The following LNX2 variants were observed in gnomAD, a reference collection of about 807,000 sequenced individuals.
LNX2 encodes ligand of Numb protein X 2.
In LNX2, 35 loss-of-function variants were observed where a neutral mutation model predicts 66.2. The observed-to-expected ratio is 0.53, with a 90% CI of 0.40 to 0.70. The LOEUF (loss-of-function observed/expected upper bound fraction) is 0.70, where lower values mean the gene tolerates loss of function less well. Among genes scored for constraint, LNX2 ranks in the 30% least tolerant of loss-of-function variants. The probability of loss-of-function intolerance (pLI) is 0.00; values close to 1 mark genes in which losing one functional copy is unlikely to be tolerated. For synonymous variants in LNX2, 337 were observed against 315.6 expected (o/e 1.07, Z -0.72); for missense variants, 791 against 850.8 (o/e 0.93, Z 0.87).
At chr13:27,595,276 A>C (rs1207484415) in intron 1 of LNX2, among the ~76,000 whole-genome samples, 1 of 152,122 alleles carries the variant, frequency 6.6e-6, no homozygotes, top group African/African-American at 2.4e-5. Context: ...AGCTCTCACT[A>C]TGTCCCTTCC....
At chr13:27,588,175 C>T (rs930219797) in intron 1 of LNX2, among the ~76,000 whole-genome samples, 1 of 151,976 alleles carries the variant, frequency 6.6e-6, no homozygotes, top group African/African-American at 2.4e-5. Context: ...AGCATTTATC[C>T]CAGAGAGGTG....
intron 4 of LNX2, among the ~76,000 whole-genome samples, chr13:27,565,730 A>T (rs1955197918): frequency 6.6e-6 from 1 of 152,196 alleles, no homozygotes; most frequent in African/African-American, 2.4e-5. Context: ...TTGAAAGCTC[A>T]GTCTGTCTCA....
chr13:27,549,933 C>T (rs1055302297), intron 9 of LNX2, among the ~76,000 whole-genome samples: 1 of 152,274 alleles, frequency 6.6e-6, no homozygotes, highest in East Asian at 1.9e-4. Flanking sequence ...ACTTACTCAG[C>T]GCTCAATGTC....
intron 1 of LNX2, among the ~76,000 whole-genome samples, chr13:27,585,215 G>T (rs1208549484): frequency 6.6e-6 from 1 of 151,774 alleles, no homozygotes; most frequent in Non-Finnish European, 1.5e-5. Context: ...CACGAGGTCA[G>T]GAGATCGAGA....
intron 1 of LNX2, among the ~76,000 whole-genome samples, chr13:27,619,293 C>A (rs1955864411): frequency 6.6e-6 from 1 of 151,586 alleles, no homozygotes; most frequent in African/African-American, 2.4e-5. Context: ...CAGATTCCCG[C>A]TTCCTTCTTT....
intron 1 of LNX2, among the ~76,000 whole-genome samples, chr13:27,597,060 C>A (rs1955605974): frequency 6.6e-6 from 1 of 152,188 alleles, no homozygotes; most frequent in Non-Finnish European, 1.5e-5. Context: ...CATTAGATTA[C>A]TACTACAGGG....
intron 2 of LNX2, among the ~76,000 whole-genome samples, chr13:27,574,783 C>T (rs192834593): frequency 7.8e-4 from 119 of 152,126 alleles, no homozygotes; most frequent in African/African-American, 2.8e-3. Flanking sequence ...CTGGTGAAAG[C>T]CAAAGATAAG....
rs1954954220 is a variant in LNX2, at chr13:27,547,493, G to A, written c.*842C>T. On this transcript the variant is annotated 3_prime_UTR_variant, in exon 10 of 10. Transcript: ENST00000316334. ...TCTTCATCTTCTATGAATATTGAGA[G>A]ATTACAGTAGAAATAAACCAGAAAA... 6.6e-6 allele frequency: 1 copy of A among 152,028 alleles called. No homozygotes were observed. Among genetic ancestry groups the A allele is most frequent in the African/African-American group, 2.4e-5 (1 of 41,416 alleles). The allele number at this position is 152,028 out of a possible 1,614,324, so 9.4% of individuals were successfully genotyped here.
intron 1 of LNX2, among the ~76,000 whole-genome samples, chr13:27,600,868 G>A (rs1955650608): frequency 6.6e-6 from 1 of 152,158 alleles, no homozygotes; most frequent in African/African-American, 2.4e-5. Flanking sequence ...GCTTTAATGG[G>A]CCAGACCTGG....
intron 1 of LNX2, among the ~76,000 whole-genome samples, chr13:27,607,671 A>G (rs756394226): frequency 2.0e-5 from 3 of 152,196 alleles, no homozygotes; most frequent in Non-Finnish European, 4.4e-5. Flanking sequence ...TAGCTTCCTG[A>G]AAGTCCAAAT....
chr13:27,597,952 A>T lies in LNX2; in HGVS notation c.-100-16149T>A, dbSNP rs113888206. Among the ~76,000 whole-genome samples the T allele has an allele frequency of 5.7e-3, 871 of 152,288 alleles. 5 individuals carry two copies. Among genetic ancestry groups the T allele is most frequent in the African/African-American group, 0.02 (830 of 41,552 alleles). ...ATATAAGAATTTCCTGGTATCTCCA[A>T]AAAGCCAAAATTTGATAATCCATTT... On this transcript the variant is annotated intron_variant, in intron 1 of 9. Coordinates refer to ENST00000316334, the MANE Select transcript of LNX2 (RefSeq NM_153371.4).
At chr13:27,568,862 A>C (rs994007219) in intron 3 of LNX2, among the ~76,000 whole-genome samples, 167 bp downstream of exon 3, 10 of 152,360 alleles carry the variant, frequency 6.6e-5, no homozygotes, top group Middle Eastern at 3.4e-3. Flanking sequence ...TTGTACAATG[A>C]AAAGGGTGAA....
chr13:27,603,602 C>T (rs747213821), intron 1 of LNX2, among the ~76,000 whole-genome samples: 23 of 152,140 alleles, frequency 1.5e-4, no homozygotes, highest in Non-Finnish European at 2.8e-4. Flanking sequence ...TAACAATAGC[C>T]ACTTAGGGAA....
intron 6 of LNX2, among the ~76,000 whole-genome samples, chr13:27,558,163 T>C (rs939826565): frequency 1.3e-5 from 2 of 152,082 alleles, no homozygotes; most frequent in African/African-American, 4.8e-5. Flanking sequence ...ATGATTATAA[T>C]TGTCTGAAAA....
At chr13:27,569,674 G>A (rs962669127) in intron 2 of LNX2, among the ~76,000 whole-genome samples, 1 of 152,142 alleles carries the variant, frequency 6.6e-6, no homozygotes, top group East Asian at 1.9e-4. Flanking sequence ...TCTCCCACAA[G>A]TGGTTGCGTC....
At chr13:27,620,043 C>T (rs976483641) in intron 1 of LNX2, among the ~76,000 whole-genome samples, 6 of 152,126 alleles carry the variant, frequency 3.9e-5, no homozygotes, top group Non-Finnish European at 8.8e-5. Flanking sequence ...CCTTAAGAAG[C>T]AAACGACGCC....
intron 2 of LNX2, among the ~76,000 whole-genome samples, chr13:27,575,721 T>TGG (rs1409476676): frequency 6.6e-6 from 1 of 152,136 alleles, no homozygotes; most frequent in Non-Finnish European, 1.5e-5. Flanking sequence ...CCTCATATAT[T>TGG]GGTTCTATTT....
At chr13:27,551,454 A>C (rs1172577299) in intron 8 of LNX2, among the ~76,000 whole-genome samples, 22 of 152,070 alleles carry the variant, frequency 1.4e-4, no homozygotes, top group Admixed American at 1.4e-3. Flanking sequence ...ACAAGCAGTG[A>C]GTAAAATCTT....
Position 27,608,692 on chromosome 13 carries a change from TTTAAA to T in LNX2, c.-101+11678_-101+11682del, listed in dbSNP as rs1435782873. On this transcript the variant is annotated intron_variant, in intron 1 of 9. Transcript: ENST00000316334. ...CTTTAAAATTGAGATATTGCTAAATTTTAAATTAAATTTAAAATATTACTTTTAAG... is the reference window on the plus strand; with the variant it reads ...CTTTAAAATTGAGATATTGCTAAATTTTAAATTTAAAATATTACTTTTAAG... Among the ~76,000 whole-genome samples, 10 of 152,320 alleles carry T rather than the reference TTTAAA, an allele frequency of 6.6e-5. No homozygotes were observed. The South Asian group carries it at 8.3e-4, about 13-fold the overall frequency.
Sources: allele counts gnomAD v4.1 joint callset (sites outside exome capture counted in the v4.1 genomes callset), GRCh38; gene constraint gnomAD v4.1.1; transcripts MANE v1.5; gene names NCBI Gene and HGNC (gene_info 2026-07-23, HGNC 2026-07-21).